Variants in PAPPA observed in about 807,000 individuals in gnomAD.
The protein encoded by PAPPA is pappalysin 1, also known as pappalysin-1.
A neutral mutation model predicts 164.0 loss-of-function variants in PAPPA; 60 were observed. That is an observed-to-expected ratio of 0.37 (90% CI 0.30 to 0.45). The LOEUF is 0.45. PAPPA is among the 20% of genes least tolerant of loss of function. PAPPA has a pLI of 1.00. For synonymous variants in PAPPA, 875 were observed against 814.1 expected, an observed-to-expected ratio of 1.07 and a Z score of -1.27; for missense variants, 1,782 against 2,087.3, an observed-to-expected ratio of 0.85 and a Z score of 2.85.
intron 10 of PAPPA, among the ~76,000 whole-genome samples, chr9:116,312,288 C>CTTTTTTTTTTTTTTTTTTTTTTTTTTTT (rs5900201): frequency 1.5e-5 from 2 of 129,636 alleles, no homozygotes; most frequent in African/African-American, 2.9e-5. Context: ...TTCTTTCTTT[C>CTTTTTTTTTTTTTTTTTTTTTTTTTTTT]TTTTTTTTTT....
intron 3 of PAPPA, among the ~76,000 whole-genome samples, chr9:116,210,542 T>G (rs978716140): frequency 4.6e-5 from 7 of 152,222 alleles, no homozygotes; most frequent in Non-Finnish European, 1.0e-4. Context: ...TAACCTTCCC[T>G]TAAACATTTT....
chr9:116,371,601 TTTTTTA>T (rs1846575113), intron 19 of PAPPA, among the ~76,000 whole-genome samples: 1 of 152,136 alleles, frequency 6.6e-6, no homozygotes, highest in Non-Finnish European at 1.5e-5. Flanking sequence ...TTTTTTTCAA[TTTTTTA>T]TTTTTATTTT....
chr9:116,190,678 G>A (rs988421285), intron 2 of PAPPA, among the ~76,000 whole-genome samples: 1 of 152,250 alleles, frequency 6.6e-6, no homozygotes, highest in African/African-American at 2.4e-5. Flanking sequence ...AGAGCACCAT[G>A]CTGGTGTGGA....
chr9:116,158,549 A>G lies in PAPPA; in HGVS notation c.415+3962A>G, dbSNP rs1290865488. On this transcript the variant is annotated intron_variant, in intron 1 of 21. Coordinates refer to ENST00000328252, the MANE Select transcript of PAPPA (RefSeq NM_002581.5). ...GAGTGATGATGGCACAAGTACCTGT[A>G]TCATAGAGCTGTGTAAATGCTAACA... Among the ~76,000 whole-genome samples, 2 of 152,218 alleles carry G rather than the reference A, an allele frequency of 1.3e-5. 1 individual carries two copies. Among genetic ancestry groups the G allele is most frequent in the Non-Finnish European group, 2.9e-5 (2 of 68,036 alleles).
chr9:116,204,971 C>T (rs1844214902), intron 2 of PAPPA, among the ~76,000 whole-genome samples: 1 of 152,026 alleles, frequency 6.6e-6, no homozygotes, highest in Non-Finnish European at 1.5e-5. Context: ...AAAGATTTTC[C>T]CCCTGATATA....
At position 116,271,981 on chromosome 9, in the gene PAPPA, G is replaced by T. The variant is rs544702232; in HGVS notation, c.2953+565G>T. 6.6e-6 allele frequency among the ~76,000 whole-genome samples: 1 copy of T among 152,324 alleles called. No homozygotes were observed. The highest frequency in any genetic ancestry group is 1.9e-4 in the East Asian group (1 of 5,172). On this transcript the variant is annotated intron_variant, in intron 9 of 21. Coordinates refer to ENST00000328252, the MANE Select transcript of PAPPA (RefSeq NM_002581.5). This position sits in a 1 kb window ranked among gnomAD's most constrained non-coding sequence, Gnocchi z 4.2. The stretch of plus-strand genomic sequence containing the variant: ...ACTCAGAACCTTGGGCAGTCTCTCT[G>T]ATCTGAGGAAGGAGGAATAGCAGAC...
At chr9:116,352,158 C>T (rs1366803096) in intron 15 of PAPPA, among the ~76,000 whole-genome samples, 1 of 152,194 alleles carries the variant, frequency 6.6e-6, no homozygotes, top group Non-Finnish European at 1.5e-5. Context: ...AGGACCTGAA[C>T]AGAAAATCAA....
At chr9:116,215,045 T>C (rs1187502663) in intron 4 of PAPPA, among the ~76,000 whole-genome samples, 1 of 152,310 alleles carries the variant, frequency 6.6e-6, no homozygotes, top group South Asian at 2.1e-4. Flanking sequence ...AGCCTAAAGA[T>C]AATGCATTGC....
chr9:116,346,134 G>A (rs1449695246), intron 14 of PAPPA, among the ~76,000 whole-genome samples: 1 of 152,090 alleles, frequency 6.6e-6, no homozygotes, highest in Non-Finnish European at 1.5e-5. Context: ...GAGGGAAAAT[G>A]TCCTTTGCTT....
At chr9:116,303,284 G>A (rs901554487) in intron 10 of PAPPA, among the ~76,000 whole-genome samples, 7 of 152,160 alleles carry the variant, frequency 4.6e-5, no homozygotes, top group Non-Finnish European at 8.8e-5. Context: ...TTTAGGGGGC[G>A]CCAAGCTGTG....
intron 9 of PAPPA, among the ~76,000 whole-genome samples, chr9:116,299,329 C>T (rs997688863): frequency 2.6e-4 from 40 of 152,066 alleles, no homozygotes; most frequent in African/African-American, 8.5e-4. Context: ...TATTACTTAT[C>T]GACCTGCCTG....
intron 7 of PAPPA, among the ~76,000 whole-genome samples, chr9:116,240,332 A>T (rs1259426615): frequency 6.6e-6 from 1 of 152,190 alleles, no homozygotes; most frequent in Non-Finnish European, 1.5e-5. Context: ...TAATATTCTG[A>T]TGGAAGAAAC....
At chr9:116,310,230 T>C (rs7040801) in intron 10 of PAPPA, among the ~76,000 whole-genome samples, 23,673 of 152,150 alleles carry the variant, frequency 0.16, 2,275 homozygotes, top group African/African-American at 0.26. Context: ...CACCAAAGCA[T>C]TCATCTCCTC....
chr9:116,384,836 G>GAAAT (rs1158725507), intron 21 of PAPPA, among the ~76,000 whole-genome samples: 13 of 152,120 alleles, frequency 8.5e-5, no homozygotes, highest in Admixed American at 3.3e-4. Flanking sequence ...GTTTGTATTT[G>GAAAT]AAATAGAAGT....
chr9:116,317,144 G>A (rs1203128205), intron 10 of PAPPA, among the ~76,000 whole-genome samples: 1 of 152,188 alleles, frequency 6.6e-6, no homozygotes, highest in Non-Finnish European at 1.5e-5. Flanking sequence ...GAAACTTCTA[G>A]TTTTATGAAC....
Position 116,385,971 on chromosome 9 carries a change from T to C in PAPPA, c.4776+3478T>C, listed in dbSNP as rs917493855. Reference sequence around the variant, plus strand: ...GTGTGAGATTTTATGGAGAACAGCATGAAGGTCCGAGAAAGCTTCTCTGAG... The same window carrying C: ...GTGTGAGATTTTATGGAGAACAGCACGAAGGTCCGAGAAAGCTTCTCTGAG... On this transcript the variant is annotated intron_variant, in intron 21 of 21. Transcript: ENST00000328252. Among the ~76,000 whole-genome samples the C allele has an allele frequency of 3.9e-5, 6 of 152,196 alleles. No homozygotes were observed. In the South Asian group the frequency reaches 1.2e-3, roughly 32 times the overall value.
At chr9:116,198,094 C>T (rs1844128660) in intron 2 of PAPPA, among the ~76,000 whole-genome samples, 1 of 152,134 alleles carries the variant, frequency 6.6e-6, no homozygotes, top group South Asian at 2.1e-4. Context: ...TGTGCATATT[C>T]ACTCAGTGTG....
rs1199179457 is a variant in PAPPA at position 116,398,227 on chromosome 9, T to A, written c.*1611T>A. On this transcript the variant is annotated 3_prime_UTR_variant, in exon 22 of 22. Transcript: ENST00000328252. ...CCTTTGAATTAATATGGGAAGAAATTAATACAGGATGAACTGGAGAGAAGG... is the reference window on the plus strand; with the variant it reads ...CCTTTGAATTAATATGGGAAGAAATAAATACAGGATGAACTGGAGAGAAGG... The A allele has an allele frequency of 1.2e-5, 2 of 167,528 alleles. No homozygotes were observed. Among genetic ancestry groups the A allele is most frequent in the African/African-American group, 4.8e-5 (2 of 41,592 alleles). The allele number at this position is 167,528 out of a possible 1,614,324, so 10.4% of individuals were successfully genotyped here. A position where few individuals can be genotyped will look rare whatever the true frequency, so the allele number is the denominator to read the frequency against.
At chr9:116,267,735 C>T (rs1180198259) in intron 8 of PAPPA, among the ~76,000 whole-genome samples, 2 of 151,462 alleles carry the variant, frequency 1.3e-5, no homozygotes, top group African/African-American at 2.4e-5. Context: ...ATTAGCCGGG[C>T]GCGGTGGCGG....
Sources: allele counts gnomAD v4.1 joint callset (sites outside exome capture counted in the v4.1 genomes callset), GRCh38; gene constraint gnomAD v4.1.1; non-coding constraint Gnocchi (gnomAD v3.1); transcripts MANE v1.5; gene names NCBI Gene and HGNC (gene_info 2026-07-23, HGNC 2026-07-21).